Variants in DPP6 observed in about 807,000 individuals in gnomAD.
DPP6 encodes A-type potassium channel modulatory protein DPP6.
DPP6 carries 69 observed loss-of-function variants against 122.6 expected under a neutral mutation model. That is an observed-to-expected ratio of 0.56 (90% CI 0.46 to 0.69). The LOEUF is 0.69. Among genes scored for constraint, DPP6 ranks in the 30% least tolerant of loss-of-function variants. The pLI is 0.00. For synonymous variants in DPP6, 418 were observed against 433.1 expected (o/e 0.97, Z 0.43); for missense variants, 928 against 1,116.9 (o/e 0.83, Z 2.41).
At chr7:153,922,889 G>A (rs1457878927) in intron 1 of DPP6, among the ~76,000 whole-genome samples, 2 of 152,204 alleles carry the variant, frequency 1.3e-5, no homozygotes, top group Admixed American at 6.5e-5. Context: ...TCAAAAAAGG[G>A]ACATCCAAAG....
intron 1 of DPP6, among the ~76,000 whole-genome samples, chr7:154,073,040 T>G (rs1803239384): frequency 6.6e-6 from 1 of 152,214 alleles, no homozygotes; most frequent in African/African-American, 2.4e-5. Flanking sequence ...GCTCCCCGTT[T>G]TGCTGCCATC....
At chr7:154,061,808 G>C (rs1166823819) in intron 1 of DPP6, among the ~76,000 whole-genome samples, 1 of 136,298 alleles carries the variant, frequency 7.3e-6, no homozygotes, top group Admixed American at 7.1e-5. Context: ...CGCGGGGACT[G>C]AGAGCGAGCC....
Position 154,618,611 on chromosome 7 carries a change from C to T in DPP6, c.628-19210C>T, listed in dbSNP as rs530148883. Among the ~76,000 whole-genome samples, 76 of 152,312 alleles carry T rather than the reference C, an allele frequency of 5.0e-4. No homozygotes were observed. Among genetic ancestry groups the T allele is most frequent in the Non-Finnish European group, 7.6e-4 (52 of 68,028 alleles). ...AGAGTTTATGATGTGCTCAGAGCCACGCACAGGATCGCTAGAAGCCGGGGC... is the reference window on the plus strand; with the variant it reads ...AGAGTTTATGATGTGCTCAGAGCCATGCACAGGATCGCTAGAAGCCGGGGC... On this transcript the variant is annotated intron_variant, in intron 5 of 25. Coordinates refer to ENST00000377770, the MANE Select transcript of DPP6 (RefSeq NM_130797.4). This position sits in a 1 kb window ranked among gnomAD's most constrained non-coding sequence, Gnocchi z 4.1.
In DPP6 at chr7:154,800,938, A is replaced by G. The variant is rs551676011; in HGVS notation, c.1300-417A>G. Reference sequence around the variant, plus strand: ...AGAATTATGTTTTTTTCTGATATATAATAAATGCCACTGGAGAAATCTCAC... The same window carrying G: ...AGAATTATGTTTTTTTCTGATATATGATAAATGCCACTGGAGAAATCTCAC... On this transcript the variant is annotated intron_variant, in intron 12 of 25. Transcript: ENST00000377770. 3.3e-5 allele frequency among the ~76,000 whole-genome samples: 5 copies of G among 152,348 alleles called. No homozygotes were observed. In the South Asian group the frequency reaches 8.3e-4, roughly 25 times the overall value.
intron 5 of DPP6, among the ~76,000 whole-genome samples, chr7:154,627,006 T>C (rs1166496518): frequency 1.5e-5 from 1 of 66,414 alleles, no homozygotes; most frequent in African/African-American, 9.8e-5. Context: ...TTTTCTTTTT[T>C]TTTTTTTTTT....
At chr7:154,220,696 G>A (rs1585663862) in intron 1 of DPP6, among the ~76,000 whole-genome samples, 1 of 152,146 alleles carries the variant, frequency 6.6e-6, no homozygotes, top group African/African-American at 2.4e-5. Flanking sequence ...CCAGAACTGT[G>A]AAAAAATACA....
intron 6 of DPP6, among the ~76,000 whole-genome samples, chr7:154,646,547 A>G (rs1279047477): frequency 6.6e-6 from 1 of 152,212 alleles, no homozygotes; most frequent in Non-Finnish European, 1.5e-5. Context: ...CTGAGAGTCA[A>G]TACTGCTTCT....
chr7:153,959,926 TA>T (rs1795260178), intron 1 of DPP6, among the ~76,000 whole-genome samples: 1 of 54,950 alleles, frequency 1.8e-5, no homozygotes, highest in Non-Finnish European at 2.8e-5. Flanking sequence ...TAATCATTTC[TA>T]ATTTTTTTTT....
intron 1 of DPP6, among the ~76,000 whole-genome samples, chr7:154,011,449 A>G (rs1044192839): frequency 2.6e-5 from 4 of 152,208 alleles, no homozygotes; most frequent in Admixed American, 1.3e-4. Context: ...GTTGAAATCT[A>G]TGCTTTTCTC....
rs370589120 is a variant in DPP6, at chr7:154,072,946, C to A, written c.243+19883C>A. 3.9e-5 allele frequency among the ~76,000 whole-genome samples: 6 copies of A among 152,346 alleles called. No homozygotes were observed. The East Asian group carries it at 5.8e-4, about 15-fold the overall frequency. On this transcript the variant is annotated intron_variant, in intron 1 of 25. Transcript: ENST00000377770. ...GAGAGCCGGGGGACCCACACGCTCACGCAGTTCCTGCCAGCAACTGTGAGA... is the reference window on the plus strand; with the variant it reads ...GAGAGCCGGGGGACCCACACGCTCAAGCAGTTCCTGCCAGCAACTGTGAGA...
intron 1 of DPP6, among the ~76,000 whole-genome samples, chr7:154,231,886 C>A (rs963336206): frequency 5.9e-5 from 9 of 152,198 alleles, no homozygotes; most frequent in African/African-American, 2.2e-4. Context: ...CCCTTGAGGT[C>A]AACCGGCTTC....
intron 11 of DPP6, 142 bp from the exon 12 acceptor site, chr7:154,795,703 C>A: frequency 8.2e-7 from 1 of 1,216,590 alleles, no homozygotes; most frequent in South Asian, 1.5e-5. Context: ...GCTGCCGTGG[C>A]AGCTGTGCAA....
At chr7:154,703,014 A>T (rs1840610616) in intron 7 of DPP6, among the ~76,000 whole-genome samples, 2 of 152,218 alleles carry the variant, frequency 1.3e-5, no homozygotes. Context: ...TGAAAATCCT[A>T]GGGCCCTTAA....
intron 3 of DPP6, among the ~76,000 whole-genome samples, chr7:154,532,127 A>G (rs999147198): frequency 6.6e-6 from 1 of 152,112 alleles, no homozygotes; most frequent in Admixed American, 6.6e-5. Flanking sequence ...GTTTCAAAAG[A>G]CTGAAATATA....
In DPP6 at chr7:154,406,478, TACAC is replaced by T. The variant is rs35978383; in HGVS notation, c.244-39726_244-39723del. 4.5e-3 allele frequency among the ~76,000 whole-genome samples: 662 copies of T among 146,716 alleles called. 5 individuals are homozygous for T. The highest frequency in any genetic ancestry group is 0.016 in the African/African-American group (642 of 39,814). On this transcript the variant is annotated intron_variant, in intron 1 of 25. Transcript: ENST00000377770. ...ACATGCACATGCACACGCACACGCATACACACACACACATGCACACATACATGCA... is the reference window on the plus strand; with the variant it reads ...ACATGCACATGCACACGCACACGCATACACACACATGCACACATACATGCA...
intron 1 of DPP6, among the ~76,000 whole-genome samples, chr7:154,342,353 T>C (rs2151063057): frequency 6.6e-6 from 1 of 152,248 alleles, no homozygotes; most frequent in South Asian, 2.1e-4. Context: ...TGTGGTCAGG[T>C]GGAGAGACAG....
chr7:154,301,737 G>A (rs955506088), intron 1 of DPP6, among the ~76,000 whole-genome samples: 4 of 150,122 alleles, frequency 2.7e-5, no homozygotes, highest in African/African-American at 4.9e-5. Context: ...ATGAATAAAA[G>A]GCAGTCCTAT....
intron 1 of DPP6, among the ~76,000 whole-genome samples, chr7:153,966,874 C>T (rs560674135): frequency 6.6e-6 from 1 of 151,388 alleles, no homozygotes; most frequent in African/African-American, 2.4e-5. Context: ...CAAGTCCAGC[C>T]TGAGCAACAT....
At chr7:154,775,527 C>T (rs369925890) in intron 10 of DPP6, among the ~76,000 whole-genome samples, 11 of 152,292 alleles carry the variant, frequency 7.2e-5, no homozygotes, top group African/African-American at 2.6e-4. Flanking sequence ...AATCAATCAA[C>T]ATGTGTCCAA....
Sources: allele counts gnomAD v4.1 joint callset (sites outside exome capture counted in the v4.1 genomes callset), GRCh38; gene constraint gnomAD v4.1.1; non-coding constraint Gnocchi (gnomAD v3.1); transcripts MANE v1.5; gene names NCBI Gene and HGNC (gene_info 2026-07-23, HGNC 2026-07-21).